Variants in MYO3B observed in about 807,000 individuals in gnomAD.
The protein encoded by MYO3B is myosin-IIIb.
In MYO3B, 156 loss-of-function variants were observed where a neutral mutation model predicts 174.6. That is an observed-to-expected ratio of 0.89 (90% CI 0.78 to 1.02). The LOEUF (loss-of-function observed/expected upper bound fraction) is 1.02, where lower values mean the gene tolerates loss of function less well. Among genes scored for constraint, MYO3B ranks in the 50% least tolerant of loss-of-function variants. MYO3B has a pLI of 0.00. For missense variants in MYO3B, 1,632 were observed against 1,639.4 expected (o/e 1.00, Z 0.08); for synonymous variants, 563 against 569.1 (o/e 0.99, Z 0.15).
intron 9 of MYO3B, among the ~76,000 whole-genome samples, chr2:170,377,226 A>T (rs190084549): frequency 4.7e-4 from 72 of 152,348 alleles, no homozygotes; most frequent in African/African-American, 1.6e-3. Context: ...ATGCAGATAC[A>T]GAGATTAAAC....
chr2:170,463,983 G>A (rs1684462665), intron 24 of MYO3B, among the ~76,000 whole-genome samples: 2 of 152,160 alleles, frequency 1.3e-5, no homozygotes. Context: ...AGATTTGTTT[G>A]TCTTCAAATT....
intron 7 of MYO3B, among the ~76,000 whole-genome samples, chr2:170,315,538 T>C (rs1415048148): frequency 1.3e-5 from 2 of 152,108 alleles, no homozygotes; most frequent in Non-Finnish European, 2.9e-5. Flanking sequence ...ACTTCTGACC[T>C]CAGGTGACCC....
At chr2:170,555,755 C>T (rs755675349) in intron 32 of MYO3B, among the ~76,000 whole-genome samples, 28 of 152,058 alleles carry the variant, frequency 1.8e-4, no homozygotes, top group Non-Finnish European at 4.0e-4. Flanking sequence ...GTCTATATTC[C>T]TAGCTACATG....
intron 32 of MYO3B, among the ~76,000 whole-genome samples, chr2:170,631,147 C>G (rs938718532): frequency 2.0e-5 from 3 of 151,966 alleles, no homozygotes; most frequent in Non-Finnish European, 2.9e-5. Flanking sequence ...AGTTAAAAAC[C>G]TTGAAAAAAG....
chr2:170,321,714 T>C (rs1186778067), intron 7 of MYO3B, among the ~76,000 whole-genome samples: 3 of 152,168 alleles, frequency 2.0e-5, no homozygotes. Context: ...GATGACTTAA[T>C]GTTGATGTAT....
chr2:170,623,152 T>A (rs540125685), intron 32 of MYO3B, among the ~76,000 whole-genome samples: 101 of 152,330 alleles, frequency 6.6e-4, no homozygotes, highest in African/African-American at 2.3e-3. Context: ...CGCCACACTG[T>A]CTTCCACAAT....
chr2:170,220,183 G>A (rs1054923783), intron 6 of MYO3B, among the ~76,000 whole-genome samples: 5 of 152,066 alleles, frequency 3.3e-5, no homozygotes, highest in Admixed American at 2.0e-4. Context: ...GCGTGAACCC[G>A]GAAGGCGGAG....
intron 25 of MYO3B, among the ~76,000 whole-genome samples, chr2:170,469,494 T>C (rs1364136043): frequency 1.3e-5 from 2 of 152,200 alleles, no homozygotes; most frequent in Non-Finnish European, 2.9e-5. Context: ...CTCTTCCCTC[T>C]TCTCTTTCAT....
chr2:170,610,130 A>G (rs1034313080), intron 32 of MYO3B, among the ~76,000 whole-genome samples: 3 of 152,146 alleles, frequency 2.0e-5, no homozygotes, highest in Admixed American at 2.0e-4. Flanking sequence ...AGGTCAGGAG[A>G]TCAAGACCAT....
chr2:170,296,393 G>A (rs1022327774), intron 7 of MYO3B, among the ~76,000 whole-genome samples: 1 of 152,328 alleles, frequency 6.6e-6, no homozygotes, highest in Non-Finnish European at 1.5e-5. Context: ...TAGTGGTACA[G>A]CTACACTCAC....
intron 6 of MYO3B, among the ~76,000 whole-genome samples, chr2:170,225,906 C>T (rs2092947210): frequency 6.6e-6 from 1 of 152,162 alleles, no homozygotes; most frequent in Non-Finnish European, 1.5e-5. Flanking sequence ...ATATGTTGCC[C>T]CTATGCCTAC....
chr2:170,212,152 A>G (rs2092777425), intron 3 of MYO3B, among the ~76,000 whole-genome samples: 1 of 151,840 alleles, frequency 6.6e-6, no homozygotes, highest in South Asian at 2.1e-4. Flanking sequence ...CTGAGGCAGG[A>G]GAATCGCTTG....
At chr2:170,207,333 G>C (rs2092723370) in intron 3 of MYO3B, among the ~76,000 whole-genome samples, 1 of 152,156 alleles carries the variant, frequency 6.6e-6, no homozygotes, top group Non-Finnish European at 1.5e-5. Context: ...TGACCATTTG[G>C]AGTTTGATGT....
intron 32 of MYO3B, chr2:170,647,025 C>A: frequency 2.6e-6 from 2 of 770,344 alleles, no homozygotes; most frequent in Non-Finnish European, 4.0e-6. Flanking sequence ...GAACGTTTTA[C>A]TTTAATATAA....
intron 8 of MYO3B, among the ~76,000 whole-genome samples, chr2:170,358,720 A>C (rs6433198): frequency 0.19 from 28,573 of 152,124 alleles, 2,963 homozygotes; most frequent in Middle Eastern, 0.26. Context: ...AGTTGCAACC[A>C]CTCATTTTGA....
intron 5 of MYO3B, among the ~76,000 whole-genome samples, chr2:170,216,661 C>T (rs2092832004): frequency 6.6e-6 from 1 of 152,158 alleles, no homozygotes; most frequent in Admixed American, 6.5e-5. Flanking sequence ...TGCCAGGTTT[C>T]CAGGCTTCTA....
At position 170,214,474 on chromosome 2, in the gene MYO3B, G is replaced by A. The variant is rs548787587; in HGVS notation, c.417G>A (p.Gly139=). Residue 139 remains glycine, a synonymous_variant, in exon 4 of 35, where the codon GGG becomes GGA. Transcript: ENST00000408978. ...DEAMISYILY[G]ALLGLQHLHN... ...CAATGATCTCATACATCTTGTACGG[G>A]GCCCTCTTGGTAAGAACATCTATCA... The A allele has an allele frequency of 5.6e-5, 90 of 1,614,036 alleles. No homozygotes were observed. The highest frequency in any genetic ancestry group is 5.5e-4 in the African/African-American group (41 of 75,022).
At chr2:170,649,215 AAT>A (rs1491359486) in intron 32 of MYO3B, among the ~76,000 whole-genome samples, 1 of 26,230 alleles carries the variant, frequency 3.8e-5, no homozygotes, top group Non-Finnish European at 6.5e-5. Context: ...AATAATATAT[AAT>A]ATATTATATA....
At chr2:170,572,865 A>T (rs77563023) in intron 32 of MYO3B, among the ~76,000 whole-genome samples, 3,537 of 152,238 alleles carry the variant, frequency 0.023, 155 homozygotes, top group African/African-American at 0.08. Context: ...CTTATTCCAG[A>T]CCAAAATATT....
Sources: allele counts gnomAD v4.1 joint callset (sites outside exome capture counted in the v4.1 genomes callset), GRCh38; gene constraint gnomAD v4.1.1; transcripts MANE v1.5; gene names NCBI Gene and HGNC (gene_info 2026-07-23, HGNC 2026-07-21).